Variants in LGSN observed in about 807,000 individuals in gnomAD.
The protein encoded by LGSN is lengsin.
LGSN carries 21 observed loss-of-function variants against 19.5 expected under a neutral mutation model. That is an observed-to-expected ratio of 1.07 (90% CI 0.76 to 1.55). LGSN has a LOEUF of 1.55. LGSN is among the 40% of genes most tolerant of loss of function. The pLI, the probability that LGSN is intolerant of heterozygous loss-of-function variation, is 0.00. For synonymous variants in LGSN, 257 were observed against 215.6 expected, an observed-to-expected ratio of 1.19 and a Z score of -1.68; for missense variants, 673 against 608.5, an observed-to-expected ratio of 1.11 and a Z score of -1.12.
chr6:63,394,156 C>T, the LGSN span, among the ~76,000 whole-genome samples: 3 of 152,042 alleles, frequency 2.0e-5, no homozygotes, highest in African/African-American at 4.8e-5. Flanking sequence ...CCCAGCTACT[C>T]AGGAGGCTGA....
At chr6:63,516,702 A>G in the LGSN span, among the ~76,000 whole-genome samples, 1 of 152,190 alleles carries the variant, frequency 6.6e-6, no homozygotes, top group Non-Finnish European at 1.5e-5. Context: ...CTCTTTTACA[A>G]CTAGGTGTGG....
the LGSN span, among the ~76,000 whole-genome samples, chr6:63,501,973 G>A: frequency 0.54 from 81,407 of 151,918 alleles, 23,634 homozygotes; most frequent in African/African-American, 0.77. Flanking sequence ...TTTCTTTTCA[G>A]TTTTGTATAG....
the LGSN span, among the ~76,000 whole-genome samples, chr6:63,520,399 G>A: frequency 6.6e-6 from 1 of 152,282 alleles, no homozygotes; most frequent in Non-Finnish European, 1.5e-5. Context: ...GACTGAGGCG[G>A]GCGGATCACT....
At chr6:63,388,993 T>C in the LGSN span, among the ~76,000 whole-genome samples, 1 of 152,192 alleles carries the variant, frequency 6.6e-6, no homozygotes, top group South Asian at 2.1e-4. Context: ...TAACTCCTAG[T>C]CTACAAGGAT....
chr6:63,331,827 AGG>A, the LGSN span, among the ~76,000 whole-genome samples: 2 of 152,256 alleles, frequency 1.3e-5, no homozygotes, highest in Non-Finnish European at 2.9e-5. Flanking sequence ...CCTAGACCAC[AGG>A]GAGGACTGAC....
At chr6:63,553,130 G>C in the LGSN span, among the ~76,000 whole-genome samples, 2 of 152,270 alleles carry the variant, frequency 1.3e-5, no homozygotes, top group East Asian at 3.9e-4. Flanking sequence ...ATTCAAACCA[G>C]TTTTTCCTCC....
chr6:63,362,964 C>G, the LGSN span, among the ~76,000 whole-genome samples: 1 of 152,188 alleles, frequency 6.6e-6, no homozygotes, highest in African/African-American at 2.4e-5. Context: ...CGACTGACAC[C>G]TCATAAAGCC....
At chr6:63,551,380 G>C in the LGSN span, among the ~76,000 whole-genome samples, 1 of 151,900 alleles carries the variant, frequency 6.6e-6, no homozygotes, top group Non-Finnish European at 1.5e-5. Flanking sequence ...TGGGTAATTT[G>C]GGCAACAACA....
the LGSN span, chr6:63,395,067 T>A: frequency 6.4e-6 from 1 of 155,846 alleles, no homozygotes. Flanking sequence ...TGGGGCTGCC[T>A]GCCCATCTAG....
chr6:63,290,858 C>A (rs78875111), intron 2 of LGSN, among the ~76,000 whole-genome samples: 81 of 152,298 alleles, frequency 5.3e-4, no homozygotes, highest in African/African-American at 1.9e-3. Flanking sequence ...CTCTCTGCTC[C>A]AGTTTTCTCA....
chr6:63,416,629 T>G, the LGSN span, among the ~76,000 whole-genome samples: 1 of 152,004 alleles, frequency 6.6e-6, no homozygotes, highest in Non-Finnish European at 1.5e-5. Flanking sequence ...CTGGCTGGAG[T>G]GCAATGACGC....
chr6:63,357,837 T>C, the LGSN span, among the ~76,000 whole-genome samples: 1 of 152,172 alleles, frequency 6.6e-6, no homozygotes, highest in East Asian at 1.9e-4. Flanking sequence ...TTTAGTTTAA[T>C]TAGATCCCAT....
chr6:63,469,036 C>G, the LGSN span, among the ~76,000 whole-genome samples: 3 of 152,214 alleles, frequency 2.0e-5, no homozygotes, highest in African/African-American at 4.8e-5. Context: ...GGGTGAGCCA[C>G]TGCACCCTTC....
the LGSN span, among the ~76,000 whole-genome samples, chr6:63,357,327 TA>T: frequency 9.6e-4 from 146 of 152,346 alleles, no homozygotes; most frequent in Admixed American, 2.7e-3. Flanking sequence ...GCATGATTTA[TA>T]ATCCTTTGGG....
chr6:63,340,109 C>T, the LGSN span, among the ~76,000 whole-genome samples: 1 of 151,992 alleles, frequency 6.6e-6, no homozygotes, highest in African/African-American at 2.4e-5. Flanking sequence ...TTCCTCCTGG[C>T]CTATAAGATA....
intron 2 of LGSN, among the ~76,000 whole-genome samples, chr6:63,291,072 T>C (rs1767747820): frequency 6.6e-6 from 1 of 152,214 alleles, no homozygotes; most frequent in Non-Finnish European, 1.5e-5. Context: ...GAGAGTTCCC[T>C]GACCTCCTCG....
At chr6:63,468,945 C>T in the LGSN span, among the ~76,000 whole-genome samples, 1 of 152,030 alleles carries the variant, frequency 6.6e-6, no homozygotes, top group Non-Finnish European at 1.5e-5. Flanking sequence ...GATGGGGTTT[C>T]ACCATGTTGG....
At chr6:63,432,918 C>T in the LGSN span, among the ~76,000 whole-genome samples, 2 of 152,080 alleles carry the variant, frequency 1.3e-5, no homozygotes, top group Non-Finnish European at 2.9e-5. Flanking sequence ...TCTTATCTTC[C>T]CTTGGAGACA....
chr6:63,320,075 G>A, upstream of LGSN: 1 of 694,420 alleles, frequency 1.4e-6, no homozygotes, highest in Non-Finnish European at 2.5e-6. Flanking sequence ...AGAGGGGTCT[G>A]GCAGGTAATA....
Sources: gnomAD v4.1 joint callset for allele counts (sites outside exome capture counted in the v4.1 genomes callset) on GRCh38, gnomAD v4.1.1 for gene constraint, MANE v1.5 for transcripts, NCBI Gene and HGNC (gene_info 2026-07-23, HGNC 2026-07-21) for gene names.